DOCK10: variants seen among roughly 807,000 people sequenced by gnomAD.
The protein encoded by DOCK10 is dedicator of cytokinesis protein 10.
A neutral mutation model predicts 280.1 loss-of-function variants in DOCK10; 145 were observed. The ratio of observed to expected loss-of-function variants is 0.52; its 90% CI spans 0.45 to 0.59. The LOEUF (loss-of-function observed/expected upper bound fraction) is 0.59. DOCK10 is among the 20% of genes least tolerant of loss of function. The pLI is 0.00. For missense variants in DOCK10, 2,368 were observed against 2,651.7 expected (o/e 0.89, Z 2.35); for synonymous variants, 915 against 942.2 (o/e 0.97, Z 0.53).
chr2:224,924,739 T>A (rs1701962423), intron 2 of DOCK10, among the ~76,000 whole-genome samples: 1 of 152,234 alleles, frequency 6.6e-6, no homozygotes, highest in Admixed American at 6.5e-5. Flanking sequence ...CACACATTCT[T>A]ACTGAAATGA....
At chr2:224,792,534 T>C (rs1189703230) in intron 47 of DOCK10, among the ~76,000 whole-genome samples, 1 of 152,222 alleles carries the variant, frequency 6.6e-6, no homozygotes, top group African/African-American at 2.4e-5. Context: ...TCTGCTCACC[T>C]TGGCCTCCCA....
rs1697430956 is a variant in DOCK10, at chr2:224,860,526, TG to T, written c.1685+2137del. On this transcript the variant is annotated intron_variant, in intron 14 of 55. Transcript: ENST00000258390. ...AGATAAAGTCAGGTTATAAGTAACTTGCCCAAGCTCACTTGGCTAATAAAGG... is the reference window on the plus strand; with the variant it reads ...AGATAAAGTCAGGTTATAAGTAACTTCCCAAGCTCACTTGGCTAATAAAGG... 2.0e-5 allele frequency: 3 copies of T among 152,284 alleles called. No homozygotes were observed. In the South Asian group the frequency reaches 6.2e-4, roughly 32 times the overall value. 9.4% of individuals were successfully genotyped at this position (152,284 alleles called of 1,614,324 possible).
intron 1 of DOCK10, among the ~76,000 whole-genome samples, chr2:225,005,948 C>T (rs938547626): frequency 6.6e-6 from 1 of 152,208 alleles, no homozygotes; most frequent in Admixed American, 6.5e-5. Context: ...AGCTGATGCT[C>T]ACTGCCAAAG....
chr2:224,912,304 T>C (rs993149661), intron 3 of DOCK10, among the ~76,000 whole-genome samples: 1 of 151,950 alleles, frequency 6.6e-6, no homozygotes, highest in Non-Finnish European at 1.5e-5. Flanking sequence ...CCCGGGTAAT[T>C]TTGTATTTTT....
At chr2:224,883,107 A>G (rs552129741) in intron 7 of DOCK10, among the ~76,000 whole-genome samples, 1 of 152,344 alleles carries the variant, frequency 6.6e-6, no homozygotes, top group South Asian at 2.1e-4. Context: ...CTTGGGGAAT[A>G]TTATAGACAG....
At chr2:224,874,538 T>G (rs1329768803) in intron 9 of DOCK10, 128 bp downstream of exon 9, 20 of 1,008,380 alleles carry the variant, frequency 2.0e-5, no homozygotes, top group Admixed American at 1.4e-4. Context: ...AACACATAGG[T>G]TAACGGGAAG....
chr2:224,996,678 CATA>C (rs539128234), intron 1 of DOCK10, among the ~76,000 whole-genome samples: 102 of 152,262 alleles, frequency 6.7e-4, no homozygotes, highest in Middle Eastern at 3.4e-3. Flanking sequence ...AGGTGTTTGG[CATA>C]ATAATGTCAA....
Position 224,804,170 on chromosome 2 carries a change from T to C in DOCK10, c.4210A>G (p.Asn1404Asp), listed in dbSNP as rs1398675493. ...AFKFVQSTQNNGTLKGSNPSC... is the reference protein window; with the variant it reads ...AFKFVQSTQNDGTLKGSNPSC... ...GGATTGGATCCTTTGAGAGTTCCAT[T>C]GTTCTGGGTGGACTGCACAAATTTA... The change falls in exon 39 of 56, where the codon AAT becomes GAT. Residue 1404 changes from asparagine to aspartate, a missense_variant. Physicochemically the swap from Asn to Asp is conservative, Grantham distance 23. Coordinates refer to ENST00000258390, the MANE Select transcript of DOCK10 (RefSeq NM_014689.3). The C allele has an allele frequency of 2.5e-6, 4 of 1,612,256 alleles. No individual in the cohort carries two copies. Among genetic ancestry groups the C allele is most frequent in the Non-Finnish European group, 3.4e-6 (4 of 1,178,870 alleles).
At chr2:224,769,165 C>T (rs1289478021) in intron 55 of DOCK10, among the ~76,000 whole-genome samples, 1 of 152,318 alleles carries the variant, frequency 6.6e-6, no homozygotes, top group African/African-American at 2.4e-5. Context: ...TAAACCAATA[C>T]TACCTCCACG....
chr2:224,808,558 A>G (rs962649027), intron 31 of DOCK10, among the ~76,000 whole-genome samples: 1 of 152,084 alleles, frequency 6.6e-6, no homozygotes, highest in Non-Finnish European at 1.5e-5. Flanking sequence ...CTGAAAGCGC[A>G]GGTGTGGAAG....
intron 3 of DOCK10, among the ~76,000 whole-genome samples, chr2:224,900,615 C>T (rs1575022854): frequency 6.6e-6 from 1 of 152,148 alleles, no homozygotes; most frequent in African/African-American, 2.4e-5. Context: ...TCAGACAGAC[C>T]TAGTTTTGAA....
chr2:224,914,987 A>T (rs1203458196), intron 3 of DOCK10, among the ~76,000 whole-genome samples: 1 of 152,188 alleles, frequency 6.6e-6, no homozygotes, highest in East Asian at 1.9e-4. Flanking sequence ...TAACAGTAAG[A>T]AAAAGAAATG....
At chr2:224,964,480 CT>C (rs1458422324) in intron 1 of DOCK10, among the ~76,000 whole-genome samples, 1 of 97,238 alleles carries the variant, frequency 1.0e-5, no homozygotes, top group Non-Finnish European at 2.5e-5. Flanking sequence ...TTCTTTCTTT[CT>C]TCTTTTTTTT....
In DOCK10 at chr2:224,853,159, A is replaced by G. The variant is rs772782509; in HGVS notation, c.1889-37T>C. 3.3e-6 allele frequency: 5 copies of G among 1,503,502 alleles called. No individual in the cohort carries two copies. The East Asian group carries it at 9.1e-5, about 27-fold the overall frequency. The allele number at this position is 1,503,502 out of a possible 1,614,324, so 93.1% of individuals were successfully genotyped here. On this transcript the variant is annotated intron_variant, in intron 16 of 55. Transcript: ENST00000258390. ...AGAAAATAAGAGTTTGTCATTTAAT[A>G]TGGTTCTTTTAAAGTGAACAATAGT...
intron 2 of DOCK10, among the ~76,000 whole-genome samples, chr2:224,923,477 A>G (rs1701880199): frequency 6.6e-6 from 1 of 152,226 alleles, no homozygotes; most frequent in African/African-American, 2.4e-5. Flanking sequence ...TGCTCCAACA[A>G]TATAAAGACA....
At chr2:224,768,406 A>G (rs1241924270) in intron 55 of DOCK10, among the ~76,000 whole-genome samples, 1 of 152,164 alleles carries the variant, frequency 6.6e-6, no homozygotes, top group Non-Finnish European at 1.5e-5. Flanking sequence ...AGATCTTTTT[A>G]TAGATCTATT....
chr2:224,804,183 C>T lies in DOCK10; in HGVS notation c.4197G>A (p.Gln1399=). The T allele has an allele frequency of 1.2e-6, 2 of 1,611,446 alleles. No individual in the cohort carries two copies. Among genetic ancestry groups the T allele is most frequent in the Non-Finnish European group, 1.7e-6 (2 of 1,178,472 alleles). Residue 1399 remains glutamine, a synonymous_variant, in exon 39 of 56, where the codon CAG becomes CAA. Transcript: ENST00000258390. ...RKIAAAFKFV[Q]STQNNGTLKG... ...TGAGAGTTCCATTGTTCTGGGTGGA[C>T]TGCACAAATTTAAATGCAGCAGCAA...
intron 3 of DOCK10, among the ~76,000 whole-genome samples, chr2:224,913,224 T>C (rs1701134300): frequency 6.6e-6 from 1 of 152,222 alleles, no homozygotes; most frequent in African/African-American, 2.4e-5. Context: ...GATGTGAGTA[T>C]TTCAAACATC....
chr2:225,002,402 C>T (rs1244709031), intron 1 of DOCK10, among the ~76,000 whole-genome samples: 2 of 152,194 alleles, frequency 1.3e-5, no homozygotes, highest in Non-Finnish European at 1.5e-5. Flanking sequence ...TAAAAGCAGG[C>T]ACAGACCAAG....
Sources: allele counts gnomAD v4.1 joint callset (sites outside exome capture counted in the v4.1 genomes callset), GRCh38; gene constraint gnomAD v4.1.1; transcripts MANE v1.5; gene names NCBI Gene and HGNC (gene_info 2026-07-23, HGNC 2026-07-21).